PGLYRP4: variants seen among roughly 807,000 people sequenced by gnomAD.
PGLYRP4 encodes the protein PGRP-I-beta.
A neutral mutation model predicts 41.2 loss-of-function variants in PGLYRP4; 39 were observed. The ratio of observed to expected loss-of-function variants is 0.95; its 90% CI spans 0.73 to 1.24. The LOEUF is 1.24. Among genes scored for constraint, PGLYRP4 ranks in the 50% most tolerant of loss-of-function variants. PGLYRP4 has a pLI of 0.00. For missense variants in PGLYRP4, 467 were observed against 460.7 expected (o/e 1.01, Z -0.13); for synonymous variants, 202 against 186.8 (o/e 1.08, Z -0.66).
chr1:153,338,372 G>T (rs1233632952), intron 7 of PGLYRP4, among the ~76,000 whole-genome samples: 2 of 152,170 alleles, frequency 1.3e-5, no homozygotes, highest in African/African-American at 4.8e-5. Context: ...TCACCACTCA[G>T]TCCTGCCTGG....
rs545791645 is a variant in PGLYRP4 at position 153,332,203 on chromosome 1, TA to T, written c.944-1259del. On this transcript the variant is annotated intron_variant, in intron 8 of 8. Transcript: ENST00000359650. Reference sequence around the variant, plus strand: ...AAAACAGACTTTAAGTCAAAACAGTTAAAAAAAAAGATAAGGAAGTTCATTA... The same window carrying T: ...AAAACAGACTTTAAGTCAAAACAGTTAAAAAAAAGATAAGGAAGTTCATTA... Among the ~76,000 whole-genome samples the T allele has an allele frequency of 7.7e-3, 1,162 of 149,944 alleles. 17 individuals carry two copies. The highest frequency in any genetic ancestry group is 0.027 in the African/African-American group (1,100 of 40,864).
intron 3 of PGLYRP4, 26 bp from the exon 4 acceptor site, chr1:153,345,408 G>A (rs758981817): frequency 7.5e-6 from 12 of 1,593,584 alleles, no homozygotes; most frequent in East Asian, 4.5e-5. Flanking sequence ...CAGCGCACCT[G>A]CCCCATCACT....
Position 153,347,256 on chromosome 1 carries a change from G to T in PGLYRP4, c.49+628C>A, listed in dbSNP as rs934865969. Among the ~76,000 whole-genome samples, 4 of 151,842 alleles carry T rather than the reference G, an allele frequency of 2.6e-5. No individual in the cohort carries two copies. In the East Asian group the frequency reaches 5.8e-4, roughly 22 times the overall value. On this transcript the variant is annotated intron_variant, in intron 2 of 8. Transcript: ENST00000359650. ...GAGTTTCACCATGTTGGCCAGGATG[G>T]TCTCGATCTCTTGACCTCCTTATCT...
At chr1:153,335,443 C>T (rs566622791) in intron 8 of PGLYRP4, among the ~76,000 whole-genome samples, 5 of 152,222 alleles carry the variant, frequency 3.3e-5, no homozygotes, top group African/African-American at 1.2e-4. Context: ...AAAAAATGCT[C>T]AACATTACTA....
intron 8 of PGLYRP4, among the ~76,000 whole-genome samples, chr1:153,331,383 A>G (rs1660330301): frequency 6.6e-6 from 1 of 152,200 alleles, no homozygotes; most frequent in Non-Finnish European, 1.5e-5. Flanking sequence ...CCAAAATATC[A>G]ATTGTACTGA....
chr1:153,348,423 C>T (rs1661107430), intron 1 of PGLYRP4, 105 bp downstream of exon 1: 1 of 157,548 alleles, frequency 6.3e-6, no homozygotes, highest in South Asian at 1.9e-4. Flanking sequence ...GGAGGGGTTC[C>T]TAGTTCTAGG....
chr1:153,334,219 A>AT (rs1660446361), intron 8 of PGLYRP4, among the ~76,000 whole-genome samples: 1 of 151,004 alleles, frequency 6.6e-6, no homozygotes, highest in Non-Finnish European at 1.5e-5. Context: ...TACAAAATCA[A>AT]TGTACAAAAA....
chr1:153,345,471 T>G (rs1660970382), intron 3 of PGLYRP4, 89 bp from the exon 4 acceptor site: 1 of 1,208,350 alleles, frequency 8.3e-7, no homozygotes. Flanking sequence ...GTCGGCCCCT[T>G]GGTAGTGGAA....
Position 153,345,451 on chromosome 1 carries a change from C to T in PGLYRP4, c.140-69G>A, listed in dbSNP as rs1311376568. ...TAGCCCGCCAAGCTGAACATGCAGG[C>T]ATGGGCTGTGTCGGCCCCTTGGTAG... On this transcript the variant is annotated intron_variant, in intron 3 of 8. Transcript: ENST00000359650. 7.0e-6 allele frequency: 10 copies of T among 1,426,892 alleles called. No homozygotes were observed. The East Asian group carries it at 2.1e-4, about 29-fold the overall frequency. The allele number at this position is 1,426,892 out of a possible 1,614,324, so 88.4% of individuals were successfully genotyped here.
At chr1:153,332,404 A>G (rs1660376495) in intron 8 of PGLYRP4, among the ~76,000 whole-genome samples, 2 of 152,132 alleles carry the variant, frequency 1.3e-5, no homozygotes, top group Non-Finnish European at 2.9e-5. Flanking sequence ...ACCTAAGAAA[A>G]GAGATGAATG....
chr1:153,341,480 G>T, intron 6 of PGLYRP4, 147 bp downstream of exon 6: 2 of 717,018 alleles, frequency 2.8e-6, no homozygotes, highest in Non-Finnish European at 4.6e-6. Context: ...AGATTTGCCA[G>T]CCCCAAGAGT....
At chr1:153,348,359 G>A (rs988447503) in intron 1 of PGLYRP4, among the ~76,000 whole-genome samples, 169 bp downstream of exon 1, 18 of 152,142 alleles carry the variant, frequency 1.2e-4, no homozygotes, top group Non-Finnish European at 2.5e-4. Flanking sequence ...TGGGTCTTAT[G>A]CAGAGAATCC....
chr1:153,331,224 A>G lies in PGLYRP4; in HGVS notation c.944-279T>C, dbSNP rs150674438. Among the ~76,000 whole-genome samples the G allele has an allele frequency of 9.8e-5, 15 of 152,310 alleles. No individual in the cohort carries two copies. The East Asian group carries it at 2.3e-3, about 24-fold the overall frequency. On this transcript the variant is annotated intron_variant, in intron 8 of 8. Coordinates refer to ENST00000359650, the MANE Select transcript of PGLYRP4 (RefSeq NM_020393.4). ...CCTGGTAGTTCTTTATAAGGGTGCA[A>G]TTTAGCCCCCCAAAGGACATTTGGC... is the stretch of plus-strand genomic sequence containing the variant.
intron 2 of PGLYRP4, among the ~76,000 whole-genome samples, chr1:153,347,348 TG>T (rs1348912436): frequency 6.6e-6 from 1 of 151,550 alleles, no homozygotes; most frequent in Non-Finnish European, 1.5e-5. Flanking sequence ...CAAGAGAGAA[TG>T]GGTTTGTTTT....
intron 8 of PGLYRP4, among the ~76,000 whole-genome samples, chr1:153,334,885 C>T (rs1660486159): frequency 2.0e-5 from 3 of 151,882 alleles, no homozygotes; most frequent in South Asian, 2.1e-4. Flanking sequence ...AATAGAGAAC[C>T]CAGAAGTAAA....
Position 153,330,796 on chromosome 1 carries a change from T to A in PGLYRP4, c.1093A>T (p.Ile365Phe). 6.2e-7 allele frequency: 1 copy of A among 1,613,904 alleles called. No individual in the cohort carries two copies. Among genetic ancestry groups the A allele is most frequent in the Non-Finnish European group, 8.5e-7 (1 of 1,179,880 alleles). Residue 365 changes from isoleucine (I) to phenylalanine (F), a missense_variant, in exon 9 of 9, where the codon ATC becomes TTC. Coordinates refer to ENST00000359650, the MANE Select transcript of PGLYRP4 (RefSeq NM_020393.4). ...TGTTTGAAATGAGGCCAGGTGCTGA[T>A]GATGTTGTACAAAGCCTGCCCAGGA... ...LSPGQALYNI[I>F]STWPHFKH is the part of the protein sequence containing the mutation.
At chr1:153,337,364 T>A in intron 7 of PGLYRP4, 65 bp from the exon 8 acceptor site, 1 of 939,154 alleles carries the variant, frequency 1.1e-6, no homozygotes, top group Non-Finnish European at 1.7e-6. Flanking sequence ...CTCTTTCATG[T>A]ATTAATTTAT....
chr1:153,334,634 C>A (rs1234960058), intron 8 of PGLYRP4, among the ~76,000 whole-genome samples: 1 of 151,794 alleles, frequency 6.6e-6, no homozygotes, highest in East Asian at 1.9e-4. Flanking sequence ...CTGCCTAAAG[C>A]AATCTACAGA....
intron 2 of PGLYRP4, among the ~76,000 whole-genome samples, chr1:153,346,424 G>C (rs974151035): frequency 6.6e-6 from 1 of 152,020 alleles, no homozygotes; most frequent in African/African-American, 2.4e-5. Context: ...TAGGCAAGGA[G>C]TTGGAAATGT....
Sources: gnomAD v4.1 joint callset for allele counts (sites outside exome capture counted in the v4.1 genomes callset) on GRCh38, gnomAD v4.1.1 for gene constraint, MANE v1.5 for transcripts, NCBI Gene and HGNC (gene_info 2026-07-23, HGNC 2026-07-21) for gene names.